GABRB1: variants seen among roughly 807,000 people sequenced by gnomAD.
GABRB1 encodes gamma-aminobutyric acid receptor subunit beta-1.
Under a neutral mutation model 51.6 loss-of-function variants are expected in GABRB1, and 17 were observed. That is an observed-to-expected ratio of 0.33 (90% CI 0.23 to 0.49). GABRB1 has a LOEUF of 0.49. Ranked by LOEUF, GABRB1 falls within the 20% of genes least tolerant of loss-of-function variation. The probability of loss-of-function intolerance (pLI) is 0.99; values close to 1 mark genes in which losing one functional copy is unlikely to be tolerated. For missense variants in GABRB1, 410 were observed against 600.6 expected (o/e 0.68, Z 3.32); for synonymous variants, 247 against 218.9 (o/e 1.13, Z -1.14).
chr4:47,402,657 T>C (rs1212958753), intron 5 of GABRB1, among the ~76,000 whole-genome samples: 2 of 152,314 alleles, frequency 1.3e-5, no homozygotes, highest in East Asian at 3.9e-4. Context: ...TACAGTTCCC[T>C]ACACATTCCC....
chr4:47,414,337 C>T (rs1252276342), intron 8 of GABRB1, among the ~76,000 whole-genome samples: 5 of 152,152 alleles, frequency 3.3e-5, no homozygotes, highest in Admixed American at 2.0e-4. Flanking sequence ...AGACATCAAT[C>T]AACATATGTA....
In GABRB1 at chr4:47,031,569, T is replaced by G. The variant is rs140573802; in HGVS notation, c.-83T>G. On this transcript the variant is annotated 5_prime_UTR_variant, in exon 1 of 9. In the 5' UTR this introduces an upstream ATG that the reference lacks. Transcript: ENST00000295454. ...GCGCTCTGCGCATGCGCAGGTCCAT[T>G]CGGGAATTACTGCCCAGCAGCCGAC... is the stretch of plus-strand genomic sequence containing the variant. 134 of 1,162,622 alleles carry G rather than the reference T, an allele frequency of 1.2e-4. No homozygotes were observed. The African/African-American group carries it at 1.9e-3, about 17-fold the overall frequency. The allele number at this position is 1,162,622 out of a possible 1,614,324, so 72.0% of individuals were successfully genotyped here. A position where few individuals can be genotyped will look rare whatever the true frequency, so the allele number is the denominator to read the frequency against.
At chr4:47,072,050 A>G (rs1293477490) in intron 3 of GABRB1, among the ~76,000 whole-genome samples, 1 of 152,100 alleles carries the variant, frequency 6.6e-6, no homozygotes, top group Non-Finnish European at 1.5e-5. Flanking sequence ...AGGGAAAAAA[A>G]AAAAAAACAA....
At chr4:47,357,158 TA>T (rs1726613915) in intron 5 of GABRB1, among the ~76,000 whole-genome samples, 1 of 152,184 alleles carries the variant, frequency 6.6e-6, no homozygotes, top group South Asian at 2.1e-4. Context: ...TCATAGGCAG[TA>T]AAATAATGTT....
chr4:47,092,740 T>A (rs1232056197), intron 3 of GABRB1, among the ~76,000 whole-genome samples: 2 of 151,756 alleles, frequency 1.3e-5, no homozygotes, highest in Non-Finnish European at 2.9e-5. Flanking sequence ...GCCTCCCGAG[T>A]GGCTGGGATT....
chr4:47,037,335 A>G (rs1286367434), intron 3 of GABRB1, among the ~76,000 whole-genome samples: 5 of 152,216 alleles, frequency 3.3e-5, no homozygotes, highest in Admixed American at 6.5e-5. Context: ...CTTTGCAAAC[A>G]GAACAAATAG....
intron 4 of GABRB1, among the ~76,000 whole-genome samples, chr4:47,187,482 T>G (rs1225228425): frequency 1.3e-5 from 2 of 151,904 alleles, no homozygotes; most frequent in East Asian, 3.9e-4. Flanking sequence ...CAGATCTTTC[T>G]GACAAGGTGG....
chr4:46,997,168 T>C lies in GABRB1; in HGVS notation c.-20+3242T>C, dbSNP rs1277627074. Reference sequence around the variant, plus strand: ...CCAGCCTACTATCATTGTCTAGTTATAGACTTTTTATCTTCACTCATTTCT... The same window carrying C: ...CCAGCCTACTATCATTGTCTAGTTACAGACTTTTTATCTTCACTCATTTCT... On this transcript the variant is annotated intron_variant, in intron 1 of 3. Coordinates refer to the GABRB1 transcript ENST00000513567. 3.3e-5 allele frequency among the ~76,000 whole-genome samples: 5 copies of C among 152,258 alleles called. 1 individual carries two copies. The South Asian group carries it at 6.2e-4, about 19-fold the overall frequency.
intron 3 of GABRB1, among the ~76,000 whole-genome samples, chr4:47,137,245 A>C (rs1001333360): frequency 1.3e-5 from 2 of 152,094 alleles, no homozygotes; most frequent in Non-Finnish European, 2.9e-5. Flanking sequence ...CAGTAGAAGA[A>C]GGAACAGTAG....
intron 3 of GABRB1, among the ~76,000 whole-genome samples, chr4:47,059,960 T>C (rs1337044109): frequency 6.6e-6 from 1 of 152,202 alleles, no homozygotes; most frequent in Non-Finnish European, 1.5e-5. Context: ...TGCCATTATT[T>C]CTAATTTCTG....
In GABRB1 at chr4:47,014,331, T is replaced by C. The variant is rs150936774; in HGVS notation, c.-19-17583T>C. 5.6e-3 allele frequency among the ~76,000 whole-genome samples: 857 copies of C among 152,294 alleles called. 10 individuals carry two copies. The highest frequency in any genetic ancestry group is 0.02 in the African/African-American group (821 of 41,564). On this transcript the variant is annotated intron_variant, in intron 1 of 3. Coordinates refer to the GABRB1 transcript ENST00000513567. ...GCAGCTAGCTATTCTTTGCCCTGGG[T>C]TTGTCAATATAAATTTTCAAAATGT... is the stretch of plus-strand genomic sequence containing the variant.
chr4:47,181,849 T>G (rs1468666335), intron 4 of GABRB1, among the ~76,000 whole-genome samples: 1 of 152,064 alleles, frequency 6.6e-6, no homozygotes, highest in Non-Finnish European at 1.5e-5. Flanking sequence ...CATCATGGGT[T>G]GTAATCACCT....
intron 4 of GABRB1, among the ~76,000 whole-genome samples, chr4:47,228,787 C>T (rs1721041404): frequency 6.6e-6 from 1 of 151,970 alleles, no homozygotes; most frequent in African/African-American, 2.4e-5. Flanking sequence ...TGGTGTGGAG[C>T]CATAATTAGA....
At chr4:47,270,449 A>G (rs1263039748) in intron 4 of GABRB1, among the ~76,000 whole-genome samples, 4 of 152,176 alleles carry the variant, frequency 2.6e-5, no homozygotes, top group East Asian at 3.8e-4. Flanking sequence ...CCCAGTCACA[A>G]TTTTGGCTCT....
At chr4:47,186,872 C>A (rs913070516) in intron 4 of GABRB1, among the ~76,000 whole-genome samples, 12 of 151,942 alleles carry the variant, frequency 7.9e-5, no homozygotes, top group African/African-American at 2.7e-4. Context: ...AAGTGCTAGA[C>A]TTTATTCAGT....
At position 47,062,235 on chromosome 4, in the gene GABRB1, T is replaced by G. The variant is rs150556608; in HGVS notation, c.240+29751T>G. Among the ~76,000 whole-genome samples the G allele has an allele frequency of 6.5e-4, 99 of 152,034 alleles. 1 individual carries two copies. The highest frequency in any genetic ancestry group is 6.9e-3 in the Middle Eastern group (2 of 290). Reference sequence around the variant, plus strand: ...CAGGGTCATTTTCTCAAAAGGATTTTTTTAGTCCCAAGCTATTCCCATCAG... The same window carrying G: ...CAGGGTCATTTTCTCAAAAGGATTTGTTTAGTCCCAAGCTATTCCCATCAG... On this transcript the variant is annotated intron_variant, in intron 3 of 8. Coordinates refer to ENST00000295454, the MANE Select transcript of GABRB1 (RefSeq NM_000812.4).
At chr4:47,121,602 A>G (rs1715779698) in intron 3 of GABRB1, among the ~76,000 whole-genome samples, 1 of 152,180 alleles carries the variant, frequency 6.6e-6, no homozygotes. Flanking sequence ...ACAAAATTAT[A>G]TTTTATAACA....
chr4:47,273,486 C>T (rs138919888), intron 4 of GABRB1, among the ~76,000 whole-genome samples: 6 of 152,242 alleles, frequency 3.9e-5, no homozygotes, highest in Non-Finnish European at 8.8e-5. Context: ...CCCAAAGTCA[C>T]AAGGCGGTGC....
At chr4:47,048,512 T>C (rs774596496) in intron 3 of GABRB1, among the ~76,000 whole-genome samples, 6 of 152,116 alleles carry the variant, frequency 3.9e-5, no homozygotes, top group Non-Finnish European at 8.8e-5. Context: ...TTGTGTTCAA[T>C]TTAAGCGTGA....
Sources: allele counts gnomAD v4.1 joint callset (sites outside exome capture counted in the v4.1 genomes callset), GRCh38; gene constraint gnomAD v4.1.1; transcripts MANE v1.5; gene names NCBI Gene and HGNC (gene_info 2026-07-23, HGNC 2026-07-21).